DAW1: variants seen among roughly 807,000 people sequenced by gnomAD.
The protein encoded by DAW1 is dynein assembly factor with WD repeat domains 1.
Under a neutral mutation model 56.5 loss-of-function variants are expected in DAW1, and 47 were observed. That is an observed-to-expected ratio of 0.83 (90% CI 0.66 to 1.06). DAW1 has a LOEUF of 1.06. Among genes scored for constraint, DAW1 ranks in the 50% least tolerant of loss-of-function variants. The probability of loss-of-function intolerance (pLI) is 0.00; values close to 1 mark genes in which losing one functional copy is unlikely to be tolerated. For missense variants in DAW1, 505 were observed against 499.3 expected, an observed-to-expected ratio of 1.01 and a Z score of -0.11; for synonymous variants, 190 against 179.0, an observed-to-expected ratio of 1.06 and a Z score of -0.49.
At chr2:227,912,486 G>T (rs751819183) in intron 10 of DAW1, 14 of 1,301,350 alleles carry the variant, frequency 1.1e-5, no homozygotes, top group Non-Finnish European at 1.4e-5. Flanking sequence ...TACATGCTGT[G>T]TTCCTTATCT....
At chr2:227,898,772 T>C (rs1559308122) in intron 6 of DAW1, among the ~76,000 whole-genome samples, 1 of 152,174 alleles carries the variant, frequency 6.6e-6, no homozygotes, top group Non-Finnish European at 1.5e-5. Flanking sequence ...ATTACTCTAG[T>C]TAATATCTTG....
chr2:227,911,206 ATG>A (rs1691806407), intron 10 of DAW1, among the ~76,000 whole-genome samples: 2 of 142,642 alleles, frequency 1.4e-5, no homozygotes, highest in African/African-American at 2.7e-5. Flanking sequence ...ATACATATAT[ATG>A]TGTATATATA....
At chr2:227,884,758 A>G (rs574824152) in intron 1 of DAW1, among the ~76,000 whole-genome samples, 2 of 152,260 alleles carry the variant, frequency 1.3e-5, no homozygotes, top group South Asian at 4.1e-4. Flanking sequence ...GAGGTCTGAG[A>G]CATCCCTGGA....
chr2:227,919,825 G>A (rs2106218017), intron 11 of DAW1, among the ~76,000 whole-genome samples: 1 of 152,284 alleles, frequency 6.6e-6, no homozygotes, highest in South Asian at 2.1e-4. Context: ...ATTTGTTCCT[G>A]CTTTGCAAAA....
chr2:227,876,753 A>T (rs1203274658), intron 1 of DAW1, among the ~76,000 whole-genome samples: 2 of 152,208 alleles, frequency 1.3e-5, no homozygotes, highest in African/African-American at 4.8e-5. Flanking sequence ...CAAACATGGG[A>T]CATTCCTTTT....
intron 1 of DAW1, among the ~76,000 whole-genome samples, chr2:227,881,747 T>TA (rs1270152569): frequency 2.6e-5 from 1 of 39,074 alleles, no homozygotes; most frequent in Non-Finnish European, 5.8e-5. Flanking sequence ...CACATTCTTT[T>TA]TTTTTTTTTT....
chr2:227,913,312 A>G (rs976081866), intron 10 of DAW1, among the ~76,000 whole-genome samples: 1 of 152,190 alleles, frequency 6.6e-6, no homozygotes, highest in African/African-American at 2.4e-5. Context: ...TAATAACTAT[A>G]GATGATATAC....
In DAW1 at chr2:227,898,225, T is replaced by C; in HGVS notation, c.484T>C (p.Trp162Arg). ...TGSFDKTCKL[W>R]SVETGKCYHT... ...GTCCTTTGATAAAACTTGTAAACTCTGGAGTGTGGAAACAGGAAAATGTTA... is the reference window on the plus strand; with the variant it reads ...GTCCTTTGATAAAACTTGTAAACTCCGGAGTGTGGAAACAGGAAAATGTTA... The change falls in exon 6 of 13, where the codon TGG becomes CGG. Residue 162 changes from tryptophan to arginine, a missense_variant. Trp to Arg is a moderately radical substitution (Grantham distance 101). Transcript: ENST00000309931. 6.3e-7 allele frequency: 1 copy of C among 1,579,722 alleles called. No homozygotes were observed. Among genetic ancestry groups the C allele is most frequent in the Non-Finnish European group, 8.6e-7 (1 of 1,160,356 alleles).
At chr2:227,909,120 G>C (rs1322446940) in intron 10 of DAW1, among the ~76,000 whole-genome samples, 1 of 151,374 alleles carries the variant, frequency 6.6e-6, no homozygotes, top group African/African-American at 2.4e-5. Context: ...CCATATCTTA[G>C]TATTTCTTAG....
At chr2:227,885,714 C>T (rs1029238042) in intron 2 of DAW1, among the ~76,000 whole-genome samples, 1 of 152,098 alleles carries the variant, frequency 6.6e-6, no homozygotes, top group African/African-American at 2.4e-5. Context: ...TTCCACACCC[C>T]GATTCCCCTG....
intron 10 of DAW1, chr2:227,912,398 C>T (rs528772105): frequency 1.5e-5 from 19 of 1,304,784 alleles, no homozygotes; most frequent in South Asian, 1.2e-4. Flanking sequence ...TGATGTTATC[C>T]GGTGTGTTCA....
At chr2:227,898,045 A>G (rs996329486) in intron 5 of DAW1, 137 bp from the exon 6 acceptor site, 24 of 385,866 alleles carry the variant, frequency 6.2e-5, no homozygotes, top group Middle Eastern at 1.7e-3. Flanking sequence ...TTTATTATCC[A>G]CTGAAACAAA....
chr2:227,918,927 C>T (rs1692039458), intron 11 of DAW1, 71 bp downstream of exon 11: 11 of 1,426,748 alleles, frequency 7.7e-6, no homozygotes, highest in South Asian at 3.5e-5. Flanking sequence ...AGGTGCAGTG[C>T]CTCACACCTA....
chr2:227,902,174 C>G (rs994045988), intron 6 of DAW1, among the ~76,000 whole-genome samples: 1 of 152,128 alleles, frequency 6.6e-6, no homozygotes, highest in Non-Finnish European at 1.5e-5. Flanking sequence ...CATGAAAGAG[C>G]AATACTAGTA....
In DAW1 at chr2:227,917,617, C is replaced by T. The variant is rs1369057764; in HGVS notation, c.974-1163C>T. The stretch of plus-strand genomic sequence containing the variant: ...TGTAAAAAAATTACAGTGTTGCAGG[C>T]CATATTATTTCTGAGTTTTCTGAAG... On this transcript the variant is annotated intron_variant, in intron 10 of 12. Transcript: ENST00000309931. 4.6e-5 allele frequency among the ~76,000 whole-genome samples: 7 copies of T among 152,024 alleles called. No homozygotes were observed. The South Asian group carries it at 1.2e-3, about 27-fold the overall frequency.
intron 1 of DAW1, chr2:227,876,402 A>T: frequency 7.8e-7 from 1 of 1,288,748 alleles, no homozygotes; most frequent in Non-Finnish European, 1.0e-6. Flanking sequence ...TAATGAGGTC[A>T]TATTACTTAG....
At chr2:227,887,521 A>G (rs937963904) in intron 2 of DAW1, 1 of 152,250 alleles carries the variant, frequency 6.6e-6, no homozygotes, top group South Asian at 2.1e-4. Context: ...AACTTGTACA[A>G]CATAGAACAT....
At chr2:227,920,671 T>C (rs1425158904) in intron 11 of DAW1, among the ~76,000 whole-genome samples, 2 of 151,972 alleles carry the variant, frequency 1.3e-5, no homozygotes, top group African/African-American at 4.8e-5. Flanking sequence ...TATTTATTTA[T>C]TTTTATTTTT....
chr2:227,901,823 G>C (rs575542154), intron 6 of DAW1, among the ~76,000 whole-genome samples: 1 of 152,258 alleles, frequency 6.6e-6, no homozygotes, highest in African/African-American at 2.4e-5. Context: ...TAAGATCAAG[G>C]GAGGATTTAC....
Sources: allele counts gnomAD v4.1 joint callset (sites outside exome capture counted in the v4.1 genomes callset), GRCh38; gene constraint gnomAD v4.1.1; transcripts MANE v1.5; gene names NCBI Gene and HGNC (gene_info 2026-07-23, HGNC 2026-07-21).